SPTBN1: variants seen among roughly 807,000 people sequenced by gnomAD.
SPTBN1 encodes the protein spectrin beta chain, non-erythrocytic 1.
A neutral mutation model predicts 266.4 loss-of-function variants in SPTBN1; 32 were observed. That is an observed-to-expected ratio of 0.12 (90% CI 0.09 to 0.16). The LOEUF (loss-of-function observed/expected upper bound fraction) is 0.16, where lower values mean the gene tolerates loss of function less well. Among genes scored for constraint, SPTBN1 ranks in the 10% least tolerant of loss-of-function variants. SPTBN1 has a pLI of 1.00. For missense variants in SPTBN1, 2,296 were observed against 3,067.1 expected (o/e 0.75, Z 5.94); for synonymous variants, 1,336 against 1,162.2 (o/e 1.15, Z -3.04).
At chr2:54,633,835 A>G (rs1678932224) in intron 17 of SPTBN1, among the ~76,000 whole-genome samples, 1 of 152,212 alleles carries the variant, frequency 6.6e-6, no homozygotes, top group Non-Finnish European at 1.5e-5. Context: ...GTTTCCAATA[A>G]AGATTGAGCT....
chr2:54,577,455 A>T (rs1674569885), intron 2 of SPTBN1, among the ~76,000 whole-genome samples: 1 of 152,180 alleles, frequency 6.6e-6, no homozygotes, highest in Non-Finnish European at 1.5e-5. Flanking sequence ...GGGAAAGCAA[A>T]AGAAAAGGTA....
intron 3 of SPTBN1, among the ~76,000 whole-genome samples, chr2:54,603,275 G>A (rs535271791): frequency 2.0e-5 from 3 of 152,292 alleles, no homozygotes; most frequent in Non-Finnish European, 2.9e-5. Flanking sequence ...GCATTTGGAG[G>A]TAGCAGGCAT....
intron 1 of SPTBN1, among the ~76,000 whole-genome samples, chr2:54,520,029 C>A (rs1261496816): frequency 6.6e-6 from 1 of 152,142 alleles, no homozygotes; most frequent in Non-Finnish European, 1.5e-5. Flanking sequence ...TTAGGAGACA[C>A]CTGCACCTTG....
chr2:54,502,685 C>A (rs1473330530), intron 1 of SPTBN1, among the ~76,000 whole-genome samples: 1 of 152,104 alleles, frequency 6.6e-6, no homozygotes, highest in East Asian at 1.9e-4. Flanking sequence ...CTCTGGCTTT[C>A]CTGGGGGTTT....
At chr2:54,585,203 T>G (rs1397316047) in intron 2 of SPTBN1, among the ~76,000 whole-genome samples, 1 of 152,240 alleles carries the variant, frequency 6.6e-6, no homozygotes, top group African/African-American at 2.4e-5. Flanking sequence ...GACCATACAT[T>G]GTCTTGTATA....
chr2:54,491,797 C>T (rs946739937), intron 1 of SPTBN1, among the ~76,000 whole-genome samples: 67 of 152,036 alleles, frequency 4.4e-4, no homozygotes, highest in Admixed American at 3.3e-4. Context: ...GACGAGGTCT[C>T]GCCGTGTTGC....
intron 1 of SPTBN1, among the ~76,000 whole-genome samples, chr2:54,469,781 A>G (rs1384260915): frequency 6.6e-6 from 1 of 152,206 alleles, no homozygotes; most frequent in African/African-American, 2.4e-5. Flanking sequence ...GGTCAGAGAT[A>G]TCAGTCAGGT....
chr2:54,588,085 G>A (rs1306314355), intron 2 of SPTBN1, among the ~76,000 whole-genome samples: 1 of 152,190 alleles, frequency 6.6e-6, no homozygotes, highest in Non-Finnish European at 1.5e-5. Context: ...ATATTGAAAT[G>A]TTTTAAACCA....
chr2:54,625,736 A>G (rs1245235772), intron 11 of SPTBN1, among the ~76,000 whole-genome samples, 196 bp from the exon 12 acceptor site: 1 of 152,014 alleles, frequency 6.6e-6, no homozygotes, highest in Non-Finnish European at 1.5e-5. Context: ...CATTACAGGC[A>G]CGTGCCACCA....
At chr2:54,481,047 C>T (rs752889571) in intron 1 of SPTBN1, among the ~76,000 whole-genome samples, 24 of 152,044 alleles carry the variant, frequency 1.6e-4, no homozygotes, top group Admixed American at 3.3e-4. Context: ...ATGGTGAGCA[C>T]CTGTGGTCTT....
At position 54,628,973 on chromosome 2, in the gene SPTBN1, G is replaced by A. The variant is rs781548687; in HGVS notation, c.1839G>A (p.Val613=). Residue 613 remains valine (V), a synonymous_variant, in exon 14 of 36, where the codon GTG becomes GTA. Coordinates refer to ENST00000356805, the MANE Select transcript of SPTBN1 (RefSeq NM_003128.3). This position sits in a 1 kb window ranked among gnomAD's most constrained non-coding sequence, Gnocchi z 4.3. Reference sequence around the variant, plus strand: ...ACCCCCAGGTGATCCGAGACCGCGTGGCCCACATGGAGTTCTGTTATCAAG... The same window carrying A: ...ACCCCCAGGTGATCCGAGACCGCGTAGCCCACATGGAGTTCTGTTATCAAG... The part of the protein sequence containing the change: ...PCDPQVIRDR[V]AHMEFCYQEL... The A allele has an allele frequency of 6.2e-7, 1 of 1,612,994 alleles. No homozygotes were observed. The highest frequency in any genetic ancestry group is 8.5e-7 in the Non-Finnish European group (1 of 1,179,500).
At chr2:54,547,836 T>C (rs1672335849) in intron 2 of SPTBN1, among the ~76,000 whole-genome samples, 1 of 152,214 alleles carries the variant, frequency 6.6e-6, no homozygotes, top group Non-Finnish European at 1.5e-5. Context: ...CTCTTCATTC[T>C]TCACCTGTCA....
Position 54,637,784 on chromosome 2 carries a change from T to C in SPTBN1, c.3839T>C (p.Phe1280Ser), listed in dbSNP as rs1377565767. 2 of 1,613,826 alleles carry C rather than the reference T, an allele frequency of 1.2e-6. No individual in the cohort carries two copies. The highest frequency in any genetic ancestry group is 1.7e-5 in the Admixed American group (1 of 60,004). The change falls in exon 18 of 36, where the codon TTC becomes TCC. Residue 1280 changes from phenylalanine (F) to serine (S), a missense_variant. Transcript: ENST00000356805. Reference protein sequence around the residue: ...RLKDNRDLQKFLQDCQELSLW... With the variant: ...RLKDNRDLQKSLQDCQELSLW... ...AAGGACAACAGGGATCTACAGAAAT[T>C]CCTGCAAGATTGTCAAGAGGTATGT...
At chr2:54,624,004 G>A (rs573420177) in intron 10 of SPTBN1, among the ~76,000 whole-genome samples, 1 of 152,206 alleles carries the variant, frequency 6.6e-6, no homozygotes, top group East Asian at 1.9e-4. Flanking sequence ...TGTCAAATAA[G>A]CAATTTTAAT....
At position 54,524,306 on chromosome 2, in the gene SPTBN1, A is replaced by G. The variant is rs557201952; in HGVS notation, c.-47-2066A>G. On this transcript the variant is annotated intron_variant, in intron 1 of 35. Coordinates refer to ENST00000356805, the MANE Select transcript of SPTBN1 (RefSeq NM_003128.3). ...TTCTTCCTACATTTGCAGATTAACAACTTACTTAGATAGCTTCATATGCCT... is the reference window on the plus strand; with the variant it reads ...TTCTTCCTACATTTGCAGATTAACAGCTTACTTAGATAGCTTCATATGCCT... 3.9e-5 allele frequency among the ~76,000 whole-genome samples: 6 copies of G among 152,246 alleles called. No homozygotes were observed. The East Asian group carries it at 7.7e-4, about 20-fold the overall frequency.
chr2:54,662,172 G>A, intron 32 of SPTBN1: 3 of 985,412 alleles, frequency 3.0e-6, no homozygotes, highest in Non-Finnish European at 3.6e-6. Flanking sequence ...GGGGGGTGGG[G>A]TTGCGAGGGA....
chr2:54,590,106 C>A (rs945142046), intron 2 of SPTBN1, among the ~76,000 whole-genome samples: 1 of 152,256 alleles, frequency 6.6e-6, no homozygotes, highest in South Asian at 2.1e-4. Context: ...GTGGCAATTG[C>A]CCAAAGATAA....
chr2:54,524,970 C>T (rs1245440636), intron 1 of SPTBN1, among the ~76,000 whole-genome samples: 1 of 152,064 alleles, frequency 6.6e-6, no homozygotes, highest in Non-Finnish European at 1.5e-5. Flanking sequence ...TTTAAACTAT[C>T]TTGCCTTTTC....
chr2:54,507,137 C>T (rs192343247), intron 1 of SPTBN1, among the ~76,000 whole-genome samples: 26 of 152,040 alleles, frequency 1.7e-4, no homozygotes, highest in East Asian at 3.9e-4. Flanking sequence ...GTACATTGAT[C>T]GGTTAGGGTG....
Sources: allele counts gnomAD v4.1 joint callset (sites outside exome capture counted in the v4.1 genomes callset), GRCh38; gene constraint gnomAD v4.1.1; non-coding constraint Gnocchi (gnomAD v3.1); transcripts MANE v1.5; gene names NCBI Gene and HGNC (gene_info 2026-07-23, HGNC 2026-07-21).